The following SPRTN variants were observed in gnomAD, a reference collection of about 807,000 sequenced individuals.
The protein encoded by SPRTN is DNA-dependent metalloprotease SPRTN.
Under a neutral mutation model 31.9 loss-of-function variants are expected in SPRTN, and 11 were observed. That is an observed-to-expected ratio of 0.34 (90% CI 0.22 to 0.57). The LOEUF (loss-of-function observed/expected upper bound fraction) is 0.57, where lower values mean the gene tolerates loss of function less well. Among genes scored for constraint, SPRTN ranks in the 20% least tolerant of loss-of-function variants. The probability of loss-of-function intolerance (pLI) is 0.86; values close to 1 mark genes in which losing one functional copy is unlikely to be tolerated. For missense variants in SPRTN, 482 were observed against 590.1 expected (o/e 0.82, Z 1.90); for synonymous variants, 185 against 212.1 (o/e 0.87, Z 1.11).
chr1:231,350,253 C>A (rs1329135384), intron 3 of SPRTN, among the ~76,000 whole-genome samples: 1 of 152,214 alleles, frequency 6.6e-6, no homozygotes, highest in East Asian at 1.9e-4. Flanking sequence ...GCTTAGCATT[C>A]TTTCCCACAA....
At chr1:231,342,805 A>G (rs902637321) in intron 2 of SPRTN, among the ~76,000 whole-genome samples, 2 of 147,482 alleles carry the variant, frequency 1.4e-5, no homozygotes, top group Non-Finnish European at 3.0e-5. Flanking sequence ...GCGCATCTCC[A>G]CTCACTGCAA....
intron 3 of SPRTN, among the ~76,000 whole-genome samples, chr1:231,350,462 G>A (rs2250719): frequency 0.59 from 88,786 of 151,646 alleles, 26,536 homozygotes; most frequent in Non-Finnish European, 0.65. Flanking sequence ...TTTCAGTCAG[G>A]TCTTTTCCCT....
intron 2 of SPRTN, 92 bp downstream of exon 2, chr1:231,339,960 T>A: frequency 8.2e-7 from 1 of 1,213,590 alleles, no homozygotes; most frequent in South Asian, 1.3e-5. Context: ...TATGTATCGT[T>A]AAAAAAAGTC....
At position 231,347,856 on chromosome 1, in the gene SPRTN, A is replaced by T. The variant is rs545662080; in HGVS notation, c.381A>T (p.Arg127=). Residue 127 remains arginine (R), a synonymous_variant, in exon 3 of 5, where the codon CGA becomes CGT. Transcript: ENST00000295050. ...YLFVTNNDKD[R]EGHGPEFCKH... ...TTGTCACTAATAACGACAAAGACCG[A>T]GAAGGGCATGGTCCAGAATTTTGTA... The T allele has an allele frequency of 1.7e-5, 27 of 1,614,080 alleles. No homozygotes were observed. In the East Asian group the frequency reaches 6.0e-4, roughly 36 times the overall value.
At chr1:231,340,730 G>C (rs1446719728) in intron 2 of SPRTN, among the ~76,000 whole-genome samples, 1 of 151,998 alleles carries the variant, frequency 6.6e-6, no homozygotes, top group Non-Finnish European at 1.5e-5. Flanking sequence ...CCCGGGAGGC[G>C]GAGGTTGCAG....
chr1:231,344,016 A>G (rs1308212290), intron 2 of SPRTN, among the ~76,000 whole-genome samples: 2 of 152,204 alleles, frequency 1.3e-5, no homozygotes, highest in Non-Finnish European at 2.9e-5. Flanking sequence ...TTGAATTAAG[A>G]CTAAATATGG....
chr1:231,348,640 C>T (rs1687133736), intron 3 of SPRTN, among the ~76,000 whole-genome samples: 1 of 152,146 alleles, frequency 6.6e-6, no homozygotes, highest in Admixed American at 6.5e-5. Context: ...TTTGACCTCC[C>T]TGCCTTTCCT....
At chr1:231,342,566 G>A (rs188720289) in intron 2 of SPRTN, among the ~76,000 whole-genome samples, 204 of 151,820 alleles carry the variant, frequency 1.3e-3, no homozygotes, top group African/African-American at 4.7e-3. Context: ...AAGTAGCTGC[G>A]ATTAAAGGTG....
chr1:231,342,796 C>T (rs1051871645), intron 2 of SPRTN, among the ~76,000 whole-genome samples: 4 of 150,622 alleles, frequency 2.7e-5, no homozygotes, highest in Admixed American at 1.3e-4. Context: ...AGTACAGTGG[C>T]GCATCTCCAC....
At chr1:231,350,707 A>G (rs1292913005) in intron 3 of SPRTN, among the ~76,000 whole-genome samples, 1 of 152,190 alleles carries the variant, frequency 6.6e-6, no homozygotes, top group African/African-American at 2.4e-5. Flanking sequence ...AGAAATATTT[A>G]TAAACAGATA....
chr1:231,342,048 G>T (rs1686911085), intron 2 of SPRTN, among the ~76,000 whole-genome samples: 1 of 152,160 alleles, frequency 6.6e-6, no homozygotes, highest in Non-Finnish European at 1.5e-5. Flanking sequence ...AAAGTGCTGG[G>T]ATTACAGGTG....
rs866796075 is a variant in SPRTN at position 231,342,820 on chromosome 1, C to T, written c.321+2952C>T. 4.0e-5 allele frequency among the ~76,000 whole-genome samples: 6 copies of T among 151,892 alleles called. 1 individual carries two copies. The highest frequency in any genetic ancestry group is 4.1e-4 in the South Asian group (2 of 4,820). On this transcript the variant is annotated intron_variant, in intron 2 of 4. Transcript: ENST00000295050. ...GCGCATCTCCACTCACTGCAAGCTC[C>T]GCCTCCCGGGTTCAGGCCATTCTCC...
intron 2 of SPRTN, among the ~76,000 whole-genome samples, chr1:231,343,754 T>G (rs778261995): frequency 2.0e-5 from 3 of 152,142 alleles, no homozygotes; most frequent in African/African-American, 7.2e-5. Flanking sequence ...GCTCTTGTTC[T>G]GTCCCCTTTA....
chr1:231,345,094 G>GTCTTTT (rs1204830814), intron 2 of SPRTN, among the ~76,000 whole-genome samples: 1 of 151,424 alleles, frequency 6.6e-6, no homozygotes, highest in African/African-American at 2.4e-5. Context: ...TCTGTACTTT[G>GTCTTTT]TCTTTTTCTT....
Position 231,341,856 on chromosome 1 carries a change from A to G in SPRTN, c.321+1988A>G, listed in dbSNP as rs1477183439. Among the ~76,000 whole-genome samples the G allele has an allele frequency of 2.6e-5, 4 of 152,278 alleles. No homozygotes were observed. In the East Asian group the frequency reaches 5.8e-4, roughly 22 times the overall value. ...ACAAAAATTAGCTGCGTGTGGTGAC[A>G]CAGCCTGTAGTACCAGCTACTCAGG... On this transcript the variant is annotated intron_variant, in intron 2 of 4. Coordinates refer to ENST00000295050, the MANE Select transcript of SPRTN (RefSeq NM_032018.7).
In SPRTN at chr1:231,354,409, T is replaced by G. The variant is rs1299335019; in HGVS notation, c.*1048T>G. On this transcript the variant is annotated 3_prime_UTR_variant, in exon 5 of 5. Coordinates refer to ENST00000295050, the MANE Select transcript of SPRTN (RefSeq NM_032018.7). ...TTCTTGTTGCAATTTTCCTTCACTTTGTTGTAATACAGGTGCACAAATCTT... is the reference window on the plus strand; with the variant it reads ...TTCTTGTTGCAATTTTCCTTCACTTGGTTGTAATACAGGTGCACAAATCTT... 7 of 984,338 alleles carry G rather than the reference T, an allele frequency of 7.1e-6. No individual in the cohort carries two copies. Among genetic ancestry groups the G allele is most frequent in the Non-Finnish European group, 8.4e-6 (7 of 829,022 alleles). 61.0% of individuals were successfully genotyped at this position (984,338 alleles called of 1,614,324 possible). A position where few individuals can be genotyped will look rare whatever the true frequency, so the allele number is the denominator to read the frequency against.
chr1:231,350,157 G>T (rs915258449), intron 3 of SPRTN, among the ~76,000 whole-genome samples: 1 of 152,202 alleles, frequency 6.6e-6, no homozygotes, highest in African/African-American at 2.4e-5. Flanking sequence ...AATATAATGT[G>T]CATTCTTTGC....
chr1:231,353,601 G>A lies in SPRTN; in HGVS notation c.*240G>A, dbSNP rs1337459144. 21 of 1,177,224 alleles carry A rather than the reference G, an allele frequency of 1.8e-5. No homozygotes were observed. The highest frequency in any genetic ancestry group is 1.6e-5 in the Non-Finnish European group (15 of 952,530). 72.9% of individuals were successfully genotyped at this position (1,177,224 alleles called of 1,614,324 possible). A position where few individuals can be genotyped will look rare whatever the true frequency, so the allele number is the denominator to read the frequency against. Reference sequence around the variant, plus strand: ...CTGTAACCCAGGTTCTGCCTGTCGTGTATAAGTTTTAGATACTTTTGTTCT... The same window carrying A: ...CTGTAACCCAGGTTCTGCCTGTCGTATATAAGTTTTAGATACTTTTGTTCT... On this transcript the variant is annotated 3_prime_UTR_variant, in exon 5 of 5. Transcript: ENST00000295050.
At position 231,354,295 on chromosome 1, in the gene SPRTN, C is replaced by T. The variant is rs1051529597; in HGVS notation, c.*934C>T. ...TATTTTCCATGTTATAGGGAAAGGA[C>T]AAAGAGACTTTTATCAGTTTGCTTT... On this transcript the variant is annotated 3_prime_UTR_variant, in exon 5 of 5. Coordinates refer to ENST00000295050, the MANE Select transcript of SPRTN (RefSeq NM_032018.7). The T allele has an allele frequency of 1.0e-6, 1 of 980,020 alleles. No homozygotes were observed. Among genetic ancestry groups the T allele is most frequent in the Non-Finnish European group, 1.2e-6 (1 of 825,088 alleles). The allele number at this position is 980,020 out of a possible 1,614,324, so 60.7% of individuals were successfully genotyped here.
Sources: gnomAD v4.1 joint callset for allele counts (sites outside exome capture counted in the v4.1 genomes callset) on GRCh38, gnomAD v4.1.1 for gene constraint, MANE v1.5 for transcripts, NCBI Gene and HGNC (gene_info 2026-07-23, HGNC 2026-07-21) for gene names.